Variants in ASPH observed in about 807,000 individuals in gnomAD.
ASPH encodes aspartyl/asparaginyl beta-hydroxylase.
A neutral mutation model predicts 118.4 loss-of-function variants in ASPH; 100 were observed. That is an observed-to-expected ratio of 0.84 (90% confidence interval 0.72 to 1.00). ASPH has a LOEUF of 1.00. ASPH is among the 50% of genes least tolerant of loss of function. The pLI, the probability that ASPH is intolerant of heterozygous loss-of-function variation, is 0.00. For missense variants in ASPH, 920 were observed against 919.5 expected, an observed-to-expected ratio of 1.00 and a Z score of -0.01; for synonymous variants, 315 against 325.6, an observed-to-expected ratio of 0.97 and a Z score of 0.35.
At chr8:61,622,748 C>T (rs1416410805) in intron 13 of ASPH, among the ~76,000 whole-genome samples, 2 of 152,218 alleles carry the variant, frequency 1.3e-5, no homozygotes, top group Non-Finnish European at 2.9e-5. Flanking sequence ...TCACCTCGGG[C>T]CAGCAGGCAC....
chr8:61,642,856 A>AT (rs1805892386), intron 10 of ASPH, 32 bp downstream of exon 10: 6 of 1,417,712 alleles, frequency 4.2e-6, no homozygotes, highest in Non-Finnish European at 5.7e-6. Context: ...AAAAAAAAAA[A>AT]GAAAAAAAAA....
chr8:61,546,127 C>T (rs1013821128), intron 21 of ASPH, among the ~76,000 whole-genome samples: 1 of 152,208 alleles, frequency 6.6e-6, no homozygotes, highest in Non-Finnish European at 1.5e-5. Context: ...CACTCTCTCC[C>T]CCTCTCTTCC....
intron 21 of ASPH, among the ~76,000 whole-genome samples, chr8:61,532,010 A>C (rs980081023): frequency 2.0e-5 from 3 of 152,214 alleles, no homozygotes; most frequent in African/African-American, 7.2e-5. Context: ...GGGGGTGCAG[A>C]TACCTCTTTG....
intron 13 of ASPH, among the ~76,000 whole-genome samples, chr8:61,619,740 C>T (rs746776834): frequency 1.3e-5 from 2 of 152,204 alleles, no homozygotes; most frequent in Non-Finnish European, 2.9e-5. Flanking sequence ...ATTTCTGCAC[C>T]TGTAACTCCA....
chr8:61,637,214 C>T (rs546523015), intron 12 of ASPH, among the ~76,000 whole-genome samples: 70 of 152,236 alleles, frequency 4.6e-4, no homozygotes, highest in African/African-American at 1.6e-3. Context: ...CACACCTTCA[C>T]ACCCCCACGC....
chr8:61,665,844 G>A (rs959184185), intron 3 of ASPH, among the ~76,000 whole-genome samples: 2 of 152,190 alleles, frequency 1.3e-5, no homozygotes, highest in Non-Finnish European at 2.9e-5. Flanking sequence ...TTGAAATATA[G>A]TATGACTTGT....
chr8:61,616,132 G>T (rs369422049), intron 14 of ASPH, among the ~76,000 whole-genome samples: 22 of 152,256 alleles, frequency 1.4e-4, no homozygotes, highest in African/African-American at 5.1e-4. Context: ...ATTTTAAATG[G>T]GGGGAGAGTG....
At chr8:61,679,591 CAGT>C (rs1338086598) in intron 3 of ASPH, among the ~76,000 whole-genome samples, 1 of 151,780 alleles carries the variant, frequency 6.6e-6, no homozygotes, top group African/African-American at 2.4e-5. Context: ...CAATAAAATG[CAGT>C]AGATGAGAGT....
chr8:61,625,852 G>A (rs1394633911), intron 13 of ASPH: 1 of 995,708 alleles, frequency 1.0e-6, no homozygotes, highest in South Asian at 4.7e-5. Flanking sequence ...TTAACACAGT[G>A]TACACAAGTC....
chr8:61,620,761 C>G (rs1850630106), intron 13 of ASPH, among the ~76,000 whole-genome samples: 1 of 152,158 alleles, frequency 6.6e-6, no homozygotes, highest in East Asian at 1.9e-4. Context: ...CTCCACATCC[C>G]CCAGTCATTG....
At chr8:61,616,230 T>A (rs958227079) in intron 14 of ASPH, among the ~76,000 whole-genome samples, 7 of 152,088 alleles carry the variant, frequency 4.6e-5, no homozygotes, top group African/African-American at 1.7e-4. Context: ...AAACCCCCTT[T>A]AGGATCAGCA....
chr8:61,665,613 G>A, intron 3 of ASPH: 1 of 1,551,836 alleles, frequency 6.4e-7, no homozygotes, highest in African/African-American at 1.4e-5. Context: ...TTAACTTTCA[G>A]ATTTTCCAAT....
At chr8:61,547,921 A>T in intron 21 of ASPH, 150 bp downstream of exon 21, 1 of 1,167,130 alleles carries the variant, frequency 8.6e-7, no homozygotes, top group South Asian at 1.7e-5. Flanking sequence ...GGTTAATGAG[A>T]TGACAATTCT....
intron 21 of ASPH, among the ~76,000 whole-genome samples, chr8:61,527,078 T>C (rs1401290900): frequency 5.3e-5 from 8 of 152,142 alleles, no homozygotes; most frequent in Non-Finnish European, 1.0e-4. Context: ...GGGAGGAACA[T>C]GTTAGCTGAT....
At chr8:61,710,591 G>T (rs557816691) in intron 1 of ASPH, among the ~76,000 whole-genome samples, 4 of 152,286 alleles carry the variant, frequency 2.6e-5, no homozygotes, top group African/African-American at 9.6e-5. Flanking sequence ...TTAGTGCTTG[G>T]TTTCATATGA....
chr8:61,593,899 T>C (rs1245208971), intron 14 of ASPH, among the ~76,000 whole-genome samples: 2 of 152,228 alleles, frequency 1.3e-5, no homozygotes, highest in Admixed American at 1.3e-4. Context: ...TTATTTTAGA[T>C]AAAATTCTAA....
intron 14 of ASPH, among the ~76,000 whole-genome samples, chr8:61,595,375 G>A (rs1202711187): frequency 6.6e-6 from 1 of 152,102 alleles, no homozygotes; most frequent in Non-Finnish European, 1.5e-5. Context: ...ATGTTTCAAT[G>A]GGAGGTTTCT....
At chr8:61,658,165 A>C (rs1362989802) in intron 3 of ASPH, 2 of 152,206 alleles carry the variant, frequency 1.3e-5, no homozygotes, top group African/African-American at 4.8e-5. Flanking sequence ...TGGCTTGTGT[A>C]ATCAGTGAAT....
At chr8:61,617,093 A>G (rs913399918) in intron 14 of ASPH, among the ~76,000 whole-genome samples, 34 of 152,224 alleles carry the variant, frequency 2.2e-4, no homozygotes, top group African/African-American at 8.2e-4. Context: ...TGGACACACC[A>G]GTCTAGAGTG....
Sources: gnomAD v4.1 joint callset for allele counts (sites outside exome capture counted in the v4.1 genomes callset) on GRCh38, gnomAD v4.1.1 for gene constraint, MANE v1.5 for transcripts, NCBI Gene and HGNC (gene_info 2026-07-23, HGNC 2026-07-21) for gene names.